ZNF276: variants seen among roughly 807,000 people sequenced by gnomAD.
The protein encoded by ZNF276 is zinc finger protein 276.
ZNF276 carries 59 observed loss-of-function variants against 63.9 expected under a neutral mutation model. The observed-to-expected ratio is 0.92, with a 90% CI of 0.75 to 1.15. The LOEUF (loss-of-function observed/expected upper bound fraction) is 1.15, where lower values mean the gene tolerates loss of function less well. Ranked by LOEUF, ZNF276 falls within the 50% of genes most tolerant of loss-of-function variation. The pLI is 0.00. For synonymous variants in ZNF276, 496 were observed against 348.4 expected, an observed-to-expected ratio of 1.42 and a Z score of -4.72; for missense variants, 1,084 against 843.8, an observed-to-expected ratio of 1.28 and a Z score of -3.53.
At chr16:89,728,734 A>G (rs547217400) in intron 5 of ZNF276, among the ~76,000 whole-genome samples, 1 of 152,148 alleles carries the variant, frequency 6.6e-6, no homozygotes, top group Non-Finnish European at 1.5e-5. Flanking sequence ...ACGGGGTTTC[A>G]CGGTATTGGC....
chr16:89,726,035 T>C (rs2061459758), intron 4 of ZNF276, among the ~76,000 whole-genome samples: 1 of 152,178 alleles, frequency 6.6e-6, no homozygotes, highest in African/African-American at 2.4e-5. Flanking sequence ...ATTTATTTAT[T>C]GATGGAGTCT....
Position 89,723,715 on chromosome 16 carries a change from A to C in ZNF276, c.1006+6A>C. On this transcript the variant is annotated splice_donor_region_variant and intron_variant, in intron 4 of 10. Transcript: ENST00000443381. ...GCCCCTTTGCAGGGCCCCAGGTAGG[A>C]GGCACCTCTTGCTGGTGCTAGACCA... 1.9e-6 allele frequency: 3 copies of C among 1,605,210 alleles called. No homozygotes were observed. Among genetic ancestry groups the C allele is most frequent in the Non-Finnish European group, 2.6e-6 (3 of 1,175,436 alleles).
At chr16:89,722,321 C>A (rs1349342789) in intron 1 of ZNF276, among the ~76,000 whole-genome samples, 1 of 152,218 alleles carries the variant, frequency 6.6e-6, no homozygotes, top group Non-Finnish European at 1.5e-5. Context: ...GCCTTAGAGG[C>A]CTTTGAAATT....
At position 89,737,842 on chromosome 16, in the gene ZNF276, C is replaced by A; in HGVS notation, c.1511C>A (p.Thr504Asn). 6.2e-7 allele frequency: 1 copy of A among 1,614,174 alleles called. No homozygotes were observed. The highest frequency in any genetic ancestry group is 8.5e-7 in the Non-Finnish European group (1 of 1,180,034). ...TATATCTGTGACGAATGTGGACAAACCTTCAAGCAGCGGAAGCACCTTCTC... is the reference window on the plus strand; with the variant it reads ...TATATCTGTGACGAATGTGGACAAAACTTCAAGCAGCGGAAGCACCTTCTC... ...RNYICDECGQTFKQRKHLLVH... is the reference protein window; with the variant it reads ...RNYICDECGQNFKQRKHLLVH... The change falls in exon 10 of 11, where the codon ACC (threonine) becomes AAC (asparagine). Residue 504 changes from threonine (T) to asparagine (N), a missense_variant. Coordinates refer to ENST00000443381, the MANE Select transcript of ZNF276 (RefSeq NM_001113525.2).
Position 89,738,348 on chromosome 16 carries a change from G to C in ZNF276, c.*102G>C. The C allele has an allele frequency of 6.8e-7, 1 of 1,479,868 alleles. No homozygotes were observed. The highest frequency in any genetic ancestry group is 9.0e-7 in the Non-Finnish European group (1 of 1,111,600). 91.7% of individuals were successfully genotyped at this position (1,479,868 alleles called of 1,614,324 possible). A position where few individuals can be genotyped will look rare whatever the true frequency, so the allele number is the denominator to read the frequency against. ...CCGCATGGGAGGGTCGGAGGGTGCT[G>C]CCCGCCCTTGGTGCTGGAGGCGGGC... On this transcript the variant is annotated 3_prime_UTR_variant, in exon 11 of 11. Coordinates refer to ENST00000443381, the MANE Select transcript of ZNF276 (RefSeq NM_001113525.2).
At position 89,722,566 on chromosome 16, in the gene ZNF276, C is replaced by T. The variant is rs1399412698; in HGVS notation, c.241C>T (p.Leu81Phe). 5.0e-6 allele frequency: 8 copies of T among 1,612,454 alleles called. No homozygotes were observed. Among genetic ancestry groups the T allele is most frequent in the Non-Finnish European group, 6.8e-6 (8 of 1,179,968 alleles). The part of the protein sequence containing the change: ...GRALAMGHCR[L>F]CHGKFSSRSL... ...GGCTCTCGCCATGGGTCACTGTCGC[C>T]TCTGCCACGGGAAGTTTTCCTCGAG... The change falls in exon 2 of 11, where the codon CTC becomes TTC. Residue 81 changes from leucine (L) to phenylalanine (F), a missense_variant. Physicochemically the swap from Leu to Phe is conservative, Grantham distance 22. Transcript: ENST00000443381.
intron 6 of ZNF276, among the ~76,000 whole-genome samples, chr16:89,729,646 C>G (rs544895006): frequency 6.6e-6 from 1 of 152,138 alleles, no homozygotes; most frequent in African/African-American, 2.4e-5. Context: ...TCCCTTCTGC[C>G]GGTCCTGCCC....
At position 89,739,001 on chromosome 16, in the gene ZNF276, G is replaced by T. The variant is rs1196057280; in HGVS notation, c.*755G>T. On this transcript the variant is annotated 3_prime_UTR_variant, in exon 11 of 11. Coordinates refer to ENST00000443381, the MANE Select transcript of ZNF276 (RefSeq NM_001113525.2). Reference sequence around the variant, plus strand: ...TAGAGAGAAAACAGGCAAACTCACAGGTTAGAAGACATACAGAAACAGGGC... The same window carrying T: ...TAGAGAGAAAACAGGCAAACTCACATGTTAGAAGACATACAGAAACAGGGC... The T allele has an allele frequency of 1.2e-6, 2 of 1,614,126 alleles. No homozygotes were observed. Among genetic ancestry groups the T allele is most frequent in the East Asian group, 2.2e-5 (1 of 44,868 alleles).
chr16:89,738,487 C>T lies in ZNF276; in HGVS notation c.*241C>T. 6.6e-7 allele frequency: 1 copy of T among 1,524,638 alleles called. No homozygotes were observed. The highest frequency in any genetic ancestry group is 9.0e-7 in the Non-Finnish European group (1 of 1,110,008). The allele number at this position is 1,524,638 out of a possible 1,614,324, so 94.4% of individuals were successfully genotyped here. ...CATAAATAATTGATTCCTTTCCCCA[C>T]TAAAGCAGTCGAGGAGATTTGTAAT... On this transcript the variant is annotated 3_prime_UTR_variant, in exon 11 of 11. Coordinates refer to ENST00000443381, the MANE Select transcript of ZNF276 (RefSeq NM_001113525.2).
chr16:89,729,136 G>GA (rs1438224839), intron 5 of ZNF276, 99 bp from the exon 6 acceptor site: 9 of 941,880 alleles, frequency 9.6e-6, no homozygotes, highest in Non-Finnish European at 1.5e-5. Context: ...TCAAATGTGG[G>GA]ACATGGGGGT....
chr16:89,720,991 C>G, upstream of ZNF276: 1 of 924,490 alleles, frequency 1.1e-6, no homozygotes, highest in Non-Finnish European at 1.4e-6. Context: ...GGCCGCACTT[C>G]CGGCGACGGG....
At chr16:89,735,874 C>T (rs182853968) in intron 9 of ZNF276, among the ~76,000 whole-genome samples, 7 of 142,530 alleles carry the variant, frequency 4.9e-5, no homozygotes, top group Non-Finnish European at 9.0e-5. Context: ...GCCACCACGC[C>T]GGGGGTGTTT....
chr16:89,735,216 C>T (rs2061816526), intron 9 of ZNF276, among the ~76,000 whole-genome samples: 1 of 151,202 alleles, frequency 6.6e-6, no homozygotes, highest in African/African-American at 2.4e-5. Flanking sequence ...CTGCCTTTTC[C>T]TAAGTGCAGG....
At chr16:89,736,352 A>G (rs1276491624) in intron 9 of ZNF276, among the ~76,000 whole-genome samples, 1 of 126,686 alleles carries the variant, frequency 7.9e-6, no homozygotes. Flanking sequence ...TTTTTCCGGG[A>G]CAGTCTGTGT....
chr16:89,737,520 C>CAA (rs200766262), intron 9 of ZNF276: 1,261 of 350,062 alleles, frequency 3.6e-3, no homozygotes, highest in East Asian at 5.8e-3. Flanking sequence ...AACTCCATCT[C>CAA]AAAAAAAAAA....
chr16:89,733,475 A>T lies in ZNF276; in HGVS notation c.1281-7A>T. On this transcript the variant is annotated splice_region_variant and splice_polypyrimidine_tract_variant and intron_variant, in intron 7 of 10. Coordinates refer to ENST00000443381, the MANE Select transcript of ZNF276 (RefSeq NM_001113525.2). ...GGCCGGGGCTCCATGCATGCTCTTC[A>T]TTGCAGGGAGGAGCTTCCCACCATC... 1 of 1,614,148 alleles carries T rather than the reference A, an allele frequency of 6.2e-7. No individual in the cohort carries two copies. The highest frequency in any genetic ancestry group is 8.5e-7 in the Non-Finnish European group (1 of 1,179,998).
rs545928949 is a variant in ZNF276 at position 89,739,104 on chromosome 16, C to T, written c.*858C>T. On this transcript the variant is annotated 3_prime_UTR_variant, in exon 11 of 11. Transcript: ENST00000443381. ...GAGCCTCCGGCTGGGGGGAGCTCCCCTGGAGGTGGGACTGGCCCTTGCACC... is the reference window on the plus strand; with the variant it reads ...GAGCCTCCGGCTGGGGGGAGCTCCCTTGGAGGTGGGACTGGCCCTTGCACC... The T allele has an allele frequency of 1.3e-5, 21 of 1,613,862 alleles. No individual in the cohort carries two copies. The highest frequency in any genetic ancestry group is 1.6e-4 in the Middle Eastern group (1 of 6,084).
At position 89,721,589 on chromosome 16, in the gene ZNF276, G is replaced by T; in HGVS notation, c.-52G>T. On this transcript the variant is annotated 5_prime_UTR_variant, in exon 1 of 11. Coordinates refer to ENST00000443381, the MANE Select transcript of ZNF276 (RefSeq NM_001113525.2). The stretch of plus-strand genomic sequence containing the variant: ...CGGAGCCTAACGCCGGGTCCTCTAG[G>T]AACCTCGGGCCGGGCAGCACCCGCG... The T allele has an allele frequency of 6.9e-7, 1 of 1,459,496 alleles. No homozygotes were observed. The highest frequency in any genetic ancestry group is 9.0e-7 in the Non-Finnish European group (1 of 1,108,076). The allele number at this position is 1,459,496 out of a possible 1,614,324, so 90.4% of individuals were successfully genotyped here.
chr16:89,729,642 C>T (rs185149242), intron 6 of ZNF276, among the ~76,000 whole-genome samples: 1 of 152,296 alleles, frequency 6.6e-6, no homozygotes, highest in African/African-American at 2.4e-5. Flanking sequence ...TACGTCCCTT[C>T]TGCCGGTCCT....
Sources: gnomAD v4.1 joint callset for allele counts (sites outside exome capture counted in the v4.1 genomes callset) on GRCh38, gnomAD v4.1.1 for gene constraint, MANE v1.5 for transcripts, NCBI Gene and HGNC (gene_info 2026-07-23, HGNC 2026-07-21) for gene names.